NARS2: variants seen among roughly 807,000 people sequenced by gnomAD.
NARS2 encodes asparaginyl-tRNA synthetase.
Under a neutral mutation model 62.9 loss-of-function variants are expected in NARS2, and 60 were observed. The ratio of observed to expected loss-of-function variants is 0.95; its 90% confidence interval spans 0.77 to 1.18. The LOEUF is 1.18. NARS2 is among the 50% of genes most tolerant of loss of function. The probability of loss-of-function intolerance (pLI) is 0.00; values close to 1 mark genes in which losing one functional copy is unlikely to be tolerated. For synonymous variants in NARS2, 196 were observed against 200.0 expected (o/e 0.98, Z 0.17); for missense variants, 619 against 576.4 (o/e 1.07, Z -0.76).
intron 2 of NARS2, among the ~76,000 whole-genome samples, chr11:78,569,502 A>T (rs1856847545): frequency 6.6e-6 from 1 of 152,242 alleles, no homozygotes; most frequent in African/African-American, 2.4e-5. Flanking sequence ...GTATGACAAT[A>T]AGTGCCTTCC....
At chr11:78,475,129 G>A (rs1443234028) in intron 9 of NARS2, among the ~76,000 whole-genome samples, 2 of 148,750 alleles carry the variant, frequency 1.3e-5, no homozygotes, top group Non-Finnish European at 3.0e-5. Flanking sequence ...TACTTCTGTA[G>A]TGTTAACTTT....
At chr11:78,540,156 T>A (rs1456083356) in intron 5 of NARS2, among the ~76,000 whole-genome samples, 1 of 152,140 alleles carries the variant, frequency 6.6e-6, no homozygotes, top group Admixed American at 6.5e-5. Flanking sequence ...AGACAGTAAA[T>A]AGCACAGCCA....
intron 6 of NARS2, among the ~76,000 whole-genome samples, chr11:78,505,269 TACACACACACACACAC>T (rs10533814): frequency 0.086 from 11,499 of 133,374 alleles, 635 homozygotes; most frequent in East Asian, 0.27. Context: ...GAAAACAAAA[TACACACACACACACAC>T]ACACACACAC....
chr11:78,544,109 A>G (rs1389316741), intron 5 of NARS2, among the ~76,000 whole-genome samples: 2 of 151,690 alleles, frequency 1.3e-5, no homozygotes, highest in East Asian at 1.9e-4. Flanking sequence ...GTAAATCACT[A>G]TCTGTCCACC....
At chr11:78,481,868 T>G (rs1195663112) in intron 7 of NARS2, among the ~76,000 whole-genome samples, 1 of 152,206 alleles carries the variant, frequency 6.6e-6, no homozygotes, top group Non-Finnish European at 1.5e-5. Flanking sequence ...GCACACTTTT[T>G]TCTAGTCTTC....
intron 6 of NARS2, among the ~76,000 whole-genome samples, chr11:78,508,506 T>C (rs1044390516): frequency 1.8e-4 from 27 of 151,596 alleles, no homozygotes; most frequent in African/African-American, 6.3e-4. Context: ...GGAGAATCAC[T>C]TGAACCCAAG....
chr11:78,483,633 T>C (rs1380663000), intron 7 of NARS2, among the ~76,000 whole-genome samples: 1 of 152,078 alleles, frequency 6.6e-6, no homozygotes, highest in Non-Finnish European at 1.5e-5. Context: ...TCAACTCCCA[T>C]TCACAACTGC....
chr11:78,491,696 C>G (rs1859826489), intron 7 of NARS2, among the ~76,000 whole-genome samples: 1 of 152,144 alleles, frequency 6.6e-6, no homozygotes, highest in Non-Finnish European at 1.5e-5. Flanking sequence ...TTCACACTTC[C>G]CACTGTTCAA....
intron 7 of NARS2, among the ~76,000 whole-genome samples, chr11:78,480,597 C>A (rs1286724603): frequency 4.2e-5 from 6 of 144,110 alleles, no homozygotes; most frequent in Non-Finnish European, 8.9e-5. Flanking sequence ...ATTTTTCCAA[C>A]CAACATGTAT....
chr11:78,522,235 G>T (rs1330751780), intron 6 of NARS2, among the ~76,000 whole-genome samples: 2 of 151,652 alleles, frequency 1.3e-5, no homozygotes, highest in Non-Finnish European at 2.9e-5. Flanking sequence ...TGGGATTATA[G>T]GCATGAGCCA....
intron 13 of NARS2, among the ~76,000 whole-genome samples, chr11:78,437,479 A>G (rs1857443317): frequency 6.6e-6 from 1 of 152,200 alleles, no homozygotes; most frequent in African/African-American, 2.4e-5. Flanking sequence ...CTGACATGCT[A>G]GACAGCCTCT....
chr11:78,457,567 TTAAA>T (rs1228992441), intron 11 of NARS2, among the ~76,000 whole-genome samples: 1 of 152,214 alleles, frequency 6.6e-6, no homozygotes, highest in Non-Finnish European at 1.5e-5. Flanking sequence ...TGTAACAAGT[TTAAA>T]TAAATTATAT....
chr11:78,549,297 A>G (rs115658818), intron 5 of NARS2, among the ~76,000 whole-genome samples: 2,169 of 152,294 alleles, frequency 0.014, 54 homozygotes, highest in African/African-American at 0.05. Context: ...CTAAATCAGG[A>G]GGTCTTGTAG....
chr11:78,538,747 G>A (rs894961136), intron 5 of NARS2, among the ~76,000 whole-genome samples: 27 of 151,982 alleles, frequency 1.8e-4, no homozygotes, highest in African/African-American at 6.3e-4. Flanking sequence ...TGTAATCCCA[G>A]CACTTTGGGA....
At chr11:78,525,219 T>C (rs35878168) in intron 6 of NARS2, among the ~76,000 whole-genome samples, 5,129 of 152,180 alleles carry the variant, frequency 0.034, 143 homozygotes, top group Non-Finnish European at 0.056. Context: ...GGTGAACGTA[T>C]GTCATCTGTC....
intron 6 of NARS2, among the ~76,000 whole-genome samples, chr11:78,521,888 C>G (rs913553300): frequency 1.3e-5 from 2 of 151,080 alleles, no homozygotes; most frequent in South Asian, 2.1e-4. Context: ...TTATTTTTCA[C>G]TCACACTAAC....
chr11:78,554,876 C>T (rs1490991620), intron 5 of NARS2, among the ~76,000 whole-genome samples: 3 of 152,140 alleles, frequency 2.0e-5, no homozygotes, highest in Admixed American at 2.0e-4. Context: ...AGCTTTTGCC[C>T]ATTTGGTATA....
intron 11 of NARS2, among the ~76,000 whole-genome samples, chr11:78,452,218 C>G (rs1246325386): frequency 6.6e-6 from 1 of 151,946 alleles, no homozygotes; most frequent in Non-Finnish European, 1.5e-5. Context: ...AGAGATTTTC[C>G]TGCCTCAGCC....
chr11:78,514,667 A>C (rs1183575309), intron 6 of NARS2, among the ~76,000 whole-genome samples: 3 of 152,200 alleles, frequency 2.0e-5, no homozygotes, highest in Non-Finnish European at 4.4e-5. Context: ...ATTAGGTAAC[A>C]GAAGAGTGGA....
Sources: allele counts gnomAD v4.1 joint callset (sites outside exome capture counted in the v4.1 genomes callset), GRCh38; gene constraint gnomAD v4.1.1; transcripts MANE v1.5; gene names NCBI Gene and HGNC (gene_info 2026-07-23, HGNC 2026-07-21).